The following STK31 variants were observed in gnomAD, a reference collection of about 807,000 sequenced individuals.
The protein encoded by STK31 is serine/threonine kinase 31, also known as serine/threonine-protein kinase 31.
Under a neutral mutation model 129.7 loss-of-function variants are expected in STK31, and 89 were observed. The ratio of observed to expected loss-of-function variants is 0.69; its 90% confidence interval spans 0.58 to 0.82. The LOEUF (loss-of-function observed/expected upper bound fraction) is 0.82. Ranked by LOEUF, STK31 falls within the 40% of genes least tolerant of loss-of-function variation. The probability of loss-of-function intolerance (pLI) is 0.00; values close to 1 mark genes in which losing one functional copy is unlikely to be tolerated. For synonymous variants in STK31, 448 were observed against 395.3 expected, an observed-to-expected ratio of 1.13 and a Z score of -1.58; for missense variants, 1,187 against 1,176.4, an observed-to-expected ratio of 1.01 and a Z score of -0.13.
rs576008159 is a variant in STK31, at chr7:23,769,002, C to T, written c.1424C>T (p.Ser475Leu). The change falls in exon 12 of 24, where the codon TCA (serine) becomes TTA (leucine). Residue 475 changes from serine (S) to leucine (L), a missense_variant. Ser to Leu is a moderately radical substitution (Grantham distance 145). Transcript: ENST00000355870. ...AAGTATATCTCTCTGCAGGATTTGT[C>T]AGTCTCTTTAGAAGCAGTGTATGGA... is the stretch of plus-strand genomic sequence containing the variant. ...NKRLKTLQDLSVSLEAVYGQA... is the reference protein window; with the variant it reads ...NKRLKTLQDLLVSLEAVYGQA... 6 of 1,591,028 alleles carry T rather than the reference C, an allele frequency of 3.8e-6. No individual in the cohort carries two copies. The African/African-American group carries it at 5.4e-5, about 14-fold the overall frequency.
chr7:23,736,943 C>T lies in STK31; in HGVS notation c.882C>T (p.Asn294=), dbSNP rs764020867. The change falls in exon 8 of 24, where the codon AAC becomes AAT. Residue 294 remains asparagine (N), a synonymous_variant. Coordinates refer to ENST00000355870, the MANE Select transcript of STK31 (RefSeq NM_031414.5). ...TTGGTGACTTTAATTTAGGGTCTAA[C>T]GTCAGCCTGGAAAAAATTAAGCAGG... ...LAVGDFNLGS[N]VSLEKIKQDQ... 5.0e-6 allele frequency: 8 copies of T among 1,612,318 alleles called. 1 individual carries two copies. Among genetic ancestry groups the T allele is most frequent in the East Asian group, 2.2e-5 (1 of 44,836 alleles).
At chr7:23,821,884 T>C (rs1360391647) in intron 23 of STK31, among the ~76,000 whole-genome samples, 2 of 152,192 alleles carry the variant, frequency 1.3e-5, no homozygotes, top group Admixed American at 1.3e-4. Context: ...TATCCAGTTT[T>C]CCCAGCACCA....
intron 7 of STK31, 90 bp from the exon 8 acceptor site, chr7:23,736,814 T>A: frequency 9.8e-7 from 1 of 1,016,238 alleles, no homozygotes; most frequent in Non-Finnish European, 1.3e-6. Flanking sequence ...AGATATATTG[T>A]GGCATAAAAG....
At chr7:23,798,829 T>C (rs1438561002) in intron 22 of STK31, among the ~76,000 whole-genome samples, 3 of 152,182 alleles carry the variant, frequency 2.0e-5, no homozygotes, top group African/African-American at 4.8e-5. Flanking sequence ...GATGACATGA[T>C]TGTATATTTA....
Position 23,773,931 on chromosome 7 carries a change from CA to C in STK31, c.1965+1654del, listed in dbSNP as rs372281381. 6.7e-4 allele frequency among the ~76,000 whole-genome samples: 100 copies of C among 149,298 alleles called. 1 individual carries two copies. Among genetic ancestry groups the C allele is most frequent in the African/African-American group, 1.1e-3 (45 of 40,098 alleles). On this transcript the variant is annotated intron_variant, in intron 15 of 23. Transcript: ENST00000355870. ...CTCCTAATGCTGTCTCTCTCCCTGCCACCCCCCACCCCACAACAGACCCCGG... is the reference window on the plus strand; with the variant it reads ...CTCCTAATGCTGTCTCTCTCCCTGCCCCCCCCACCCCACAACAGACCCCGG...
chr7:23,828,104 A>G lies in STK31; in HGVS notation c.2830-4032A>G, dbSNP rs568950532. ...TCTCCAGCTGTGTGCTGGGAGAACCACTACTCTCTTCAAAGCTGTCAGACA... is the reference window on the plus strand; with the variant it reads ...TCTCCAGCTGTGTGCTGGGAGAACCGCTACTCTCTTCAAAGCTGTCAGACA... On this transcript the variant is annotated intron_variant, in intron 23 of 23. Transcript: ENST00000355870. Among the ~76,000 whole-genome samples, 9 of 152,298 alleles carry G rather than the reference A, an allele frequency of 5.9e-5. No individual in the cohort carries two copies. The South Asian group carries it at 1.0e-3, about 18-fold the overall frequency.
At chr7:23,727,499 GA>G in intron 5 of STK31, 184 bp downstream of exon 5, 1 of 447,934 alleles carries the variant, frequency 2.2e-6, no homozygotes. Flanking sequence ...GATTATTCAA[GA>G]ATAGATTATA....
chr7:23,769,762 T>C lies in STK31; in HGVS notation c.1713+6T>C, dbSNP rs1790071891. 1 of 1,567,474 alleles carries C rather than the reference T, an allele frequency of 6.4e-7. No homozygotes were observed. The stretch of plus-strand genomic sequence containing the variant: ...AGCTGGAGATAGCTCTGGTTGTGAG[T>C]ATCGATATTCTTTATTATTGCCTCC... On this transcript the variant is annotated splice_donor_region_variant and intron_variant, in intron 13 of 23. Transcript: ENST00000355870.
At chr7:23,826,906 A>C (rs1454398606) in intron 23 of STK31, among the ~76,000 whole-genome samples, 2 of 152,204 alleles carry the variant, frequency 1.3e-5, no homozygotes, top group Non-Finnish European at 2.9e-5. Context: ...TTCTTTAAGA[A>C]TGTTGAATAT....
intron 11 of STK31, among the ~76,000 whole-genome samples, 187 bp downstream of exon 11, chr7:23,763,110 A>G (rs781775357): frequency 6.6e-6 from 1 of 152,188 alleles, no homozygotes; most frequent in African/African-American, 2.4e-5. Flanking sequence ...CTATGTTTAT[A>G]TGCATATCTA....
intron 23 of STK31, among the ~76,000 whole-genome samples, chr7:23,815,527 A>C (rs1401666562): frequency 6.6e-6 from 1 of 152,158 alleles, no homozygotes; most frequent in Non-Finnish European, 1.5e-5. Context: ...GTAAGTACCT[A>C]ACTATATCTT....
chr7:23,777,582 A>G (rs1397347778), intron 15 of STK31, among the ~76,000 whole-genome samples: 1 of 152,072 alleles, frequency 6.6e-6, no homozygotes, highest in Non-Finnish European at 1.5e-5. Context: ...CCATTATGTA[A>G]TGCCCTTCTT....
At chr7:23,710,176 T>G, upstream of STK31, 1 of 1,576,906 alleles carries the variant, frequency 6.3e-7, no homozygotes, top group Non-Finnish European at 8.6e-7. Context: ...TAACACCGGA[T>G]GATGGCGCAG....
chr7:23,797,777 G>A (rs1459071298), intron 22 of STK31, among the ~76,000 whole-genome samples: 1 of 146,476 alleles, frequency 6.8e-6, no homozygotes, highest in East Asian at 2.0e-4. Context: ...AGAACTGCAG[G>A]AGCTGGAGAC....
intron 22 of STK31, chr7:23,811,294 G>T (rs1371109583): frequency 2.4e-6 from 1 of 412,418 alleles, no homozygotes; most frequent in Non-Finnish European, 4.7e-6. Context: ...GTATGTGCTT[G>T]ATTTGTTCTG....
chr7:23,788,029 A>G lies in STK31; in HGVS notation c.2537A>G (p.His846Arg), dbSNP rs747380505. The G allele has an allele frequency of 6.2e-7, 1 of 1,612,066 alleles. No individual in the cohort carries two copies. Residue 846 changes from histidine to arginine, a missense_variant, in exon 21 of 24, where the codon CAT becomes CGT. Around this residue, in one of 5 missense-constraint regions of STK31, gnomAD observed 975 missense variants for 934.9 expected, o/e 1.04. Transcript: ENST00000355870. ...KGVAQGLHTL[H>R]KADIIHGSLH... ...GTTGCCCAGGGTCTGCATACATTGC[A>G]TAAGGCTGACATAATTCATGGATCA...
intron 11 of STK31, among the ~76,000 whole-genome samples, chr7:23,763,570 T>A (rs1333017527): frequency 6.6e-6 from 1 of 152,154 alleles, no homozygotes; most frequent in Non-Finnish European, 1.5e-5. Context: ...CATTTAACTT[T>A]TATTTATTTA....
chr7:23,816,274 TTAGA>T (rs1793467895), intron 23 of STK31, among the ~76,000 whole-genome samples: 1 of 152,204 alleles, frequency 6.6e-6, no homozygotes, highest in African/African-American at 2.4e-5. Flanking sequence ...TTTATTGCTA[TTAGA>T]TAGAAAAATA....
chr7:23,774,912 C>A (rs1480631189), intron 15 of STK31, among the ~76,000 whole-genome samples: 1 of 152,108 alleles, frequency 6.6e-6, no homozygotes, highest in Admixed American at 6.5e-5. Context: ...GGTTTTAGGT[C>A]TAATATTTAA....
Sources: allele counts gnomAD v4.1 joint callset (sites outside exome capture counted in the v4.1 genomes callset), GRCh38; gene constraint gnomAD v4.1.1; regional missense constraint gnomAD v4.1.1; transcripts MANE v1.5; gene names NCBI Gene and HGNC (gene_info 2026-07-23, HGNC 2026-07-21).